The following TTN variants were observed in gnomAD, a reference collection of about 807,000 sequenced individuals.
The protein encoded by TTN is connectin.
TTN carries 1,525 observed loss-of-function variants against 3,223.0 expected under a neutral mutation model. The ratio of observed to expected loss-of-function variants is 0.47; its 90% CI spans 0.45 to 0.49. The LOEUF (loss-of-function observed/expected upper bound fraction) is 0.49, where lower values mean the gene tolerates loss of function less well. Among genes scored for constraint, TTN ranks in the 20% least tolerant of loss-of-function variants. TTN has a pLI of 0.00. For synonymous variants in TTN, 14,094 were observed against 15,161.0 expected (o/e 0.93, Z 5.17); for missense variants, 40,786 against 43,424.0 (o/e 0.94, Z 5.40).
Position 178,634,796 on chromosome 2 carries a change from G to C in TTN, c.42078C>G (p.Val14026=), listed in dbSNP as rs1335317277. The C allele has an allele frequency of 6.2e-7, 1 of 1,612,926 alleles. No homozygotes were observed. Among genetic ancestry groups the C allele is most frequent in the Non-Finnish European group, 8.5e-7 (1 of 1,179,362 alleles). ...GGACTTCACCAGCTTGGTCCAGTTT[G>C]ACTTTGTGCAAAGTTAAGAAGCGTT... ...GGKRFLTLHK[V]KLDQAGEVLY... The change falls in exon 229 of 363, where the codon GTC becomes GTG. Residue 14026 remains valine (V), a synonymous_variant. Coordinates refer to ENST00000589042, the MANE Select transcript of TTN (RefSeq NM_001267550.2). The surrounding 1 kb of genome is among the most constrained non-coding windows in gnomAD (Gnocchi z 4.6).
Position 178,533,512 on chromosome 2 carries a change from A to G in TTN, c.103103T>C (p.Leu34368Ser). 1.9e-6 allele frequency: 3 copies of G among 1,613,582 alleles called. No homozygotes were observed. Among genetic ancestry groups the G allele is most frequent in the Non-Finnish European group, 2.5e-6 (3 of 1,179,558 alleles). The change falls in exon 358 of 363, where the codon TTA becomes TCA. Residue 34368 changes from leucine (L) to serine (S), a missense_variant. Coordinates refer to ENST00000589042, the MANE Select transcript of TTN (RefSeq NM_001267550.2). ...DSTLRPMFKR[L>S]LANAECQEGQ... is the part of the protein sequence containing the mutation. Reference sequence around the variant, plus strand: ...TTCTTGGCATTCTGCATTTGCCAGTAACCTTTTGAACATGGGTCTTAAGGT... The same window carrying G: ...TTCTTGGCATTCTGCATTTGCCAGTGACCTTTTGAACATGGGTCTTAAGGT...
rs778696483 is a variant in TTN, at chr2:178,677,634, TG to T, written c.34277del (p.Pro11426GlnfsTer42). 6.8e-5 allele frequency: 109 copies of T among 1,611,048 alleles called. No individual in the cohort carries two copies. Among genetic ancestry groups the T allele is most frequent in the Non-Finnish European group, 8.7e-5 (103 of 1,178,524 alleles). ...GAGCTGCTATACCTGGTGCAGGTAC[TG>T]GCACCTTAGGTTTAACTTCTGGAAG... ...EVLPEVKPKV[P>X]VPAPVPEVPK... On this transcript the variant is annotated frameshift_variant, in exon 146 of 363. Coordinates refer to ENST00000589042, the MANE Select transcript of TTN (RefSeq NM_001267550.2). LOFTEE classifies it high-confidence loss of function.
intron 162 of TTN, 54 bp downstream of exon 162, chr2:178,667,182 A>G: frequency 2.1e-6 from 3 of 1,402,340 alleles, no homozygotes; most frequent in South Asian, 1.3e-5. Flanking sequence ...AATATTTTGC[A>G]GACTGAAGAC....
intron 207 of TTN, 52 bp from the exon 208 acceptor site, chr2:178,651,372 A>C: frequency 6.2e-7 from 1 of 1,604,896 alleles, no homozygotes; most frequent in Non-Finnish European, 8.5e-7. Flanking sequence ...GTAAACATTC[A>C]TCACATTTAC....
chr2:178,735,081 C>T, intron 50 of TTN, 93 bp from the exon 51 acceptor site: 1 of 1,354,976 alleles, frequency 7.4e-7, no homozygotes, highest in Non-Finnish European at 9.8e-7. Flanking sequence ...AGAGACCCAA[C>T]ACACATAAAA....
chr2:178,609,288 C>T lies in TTN; in HGVS notation c.52022G>A (p.Arg17341Gln), dbSNP rs370390570. 8.1e-5 allele frequency: 129 copies of T among 1,593,882 alleles called. No homozygotes were observed. In the African/African-American group the frequency reaches 1.2e-3, roughly 14 times the overall value. Reference protein sequence around the residue: ...ESQLRVRDSLRPDHGLYMIKV... With the variant: ...ESQLRVRDSLQPDHGLYMIKV... ...GATCATATACAGACCATGGTCAGGT[C>T]GGAGAGAATCTCGGACGCGTAGCTG... Residue 17341 changes from arginine (R) to glutamine (Q), a missense_variant, in exon 273 of 363, where the codon CGA becomes CAA. Coordinates refer to ENST00000589042, the MANE Select transcript of TTN (RefSeq NM_001267550.2).
Position 178,777,811 on chromosome 2 carries a change from A to C in TTN, c.4373T>G (p.Val1458Gly), listed in dbSNP as rs1164246536. 4.3e-6 allele frequency: 7 copies of C among 1,613,894 alleles called. No homozygotes were observed. The highest frequency in any genetic ancestry group is 1.3e-5 in the African/African-American group (1 of 74,882). Residue 1458 changes from valine to glycine, a missense_variant, in exon 25 of 363, where the codon GTC becomes GGC. Coordinates refer to ENST00000589042, the MANE Select transcript of TTN (RefSeq NM_001267550.2). ...GAAAGAAACAGGTTTTAACACAAAG[A>C]CTGGTTTATATAGTCTCTCAAGTTG... ...ESQLERLYKPVFVLKPVSFKC... is the reference protein window; with the variant it reads ...ESQLERLYKPGFVLKPVSFKC...
Position 178,758,099 on chromosome 2 carries a change from G to T in TTN, c.10304-183C>A, listed in dbSNP as rs148671912. 1.8e-3 allele frequency among the ~76,000 whole-genome samples: 276 copies of T among 152,210 alleles called. 7 individuals carry two copies. The South Asian group carries it at 0.025, about 14-fold the overall frequency. ...CACAAGTTCACTTCCATTTCCCAGAGAAGCAAGCTGAGACATGAATGGGCT... is the reference window on the plus strand; with the variant it reads ...CACAAGTTCACTTCCATTTCCCAGATAAGCAAGCTGAGACATGAATGGGCT... On this transcript the variant is annotated intron_variant, in intron 44 of 362. Transcript: ENST00000589042.
intron 137 of TTN, 81 bp downstream of exon 137, chr2:178,681,295 A>T: frequency 6.8e-7 from 1 of 1,462,454 alleles, no homozygotes; most frequent in Non-Finnish European, 9.4e-7. Context: ...AAAAACACAG[A>T]CCATCAGACG....
At chr2:178,698,330 TTAA>T (rs1233136366) in intron 112 of TTN, among the ~76,000 whole-genome samples, 3 of 152,144 alleles carry the variant, frequency 2.0e-5, no homozygotes, top group Non-Finnish European at 4.4e-5. Flanking sequence ...GTGAATATAG[TTAA>T]TAATAGTGTA....
chr2:178,731,488 T>C lies in TTN; in HGVS notation c.17278A>G (p.Thr5760Ala). 6.2e-7 allele frequency: 1 copy of C among 1,613,642 alleles called. No individual in the cohort carries two copies. Among genetic ancestry groups the C allele is most frequent in the Non-Finnish European group, 8.5e-7 (1 of 1,179,736 alleles). The change falls in exon 59 of 363, where the codon ACG (threonine) becomes GCG (alanine). Residue 5760 changes from threonine to alanine, a missense_variant. Thr to Ala is a moderately conservative substitution (Grantham distance 58, BLOSUM62 0). Coordinates refer to ENST00000589042, the MANE Select transcript of TTN (RefSeq NM_001267550.2). Reference protein sequence around the residue: ...QATLKGSLPITVTWLKDSDEI... With the variant: ...QATLKGSLPIAVTWLKDSDEI... ...TCGCTGTCTTTTAGCCAAGTCACCG[T>C]AATTGGCAAGGAGCCCTTCAGAGTG...
intron 115 of TTN, 66 bp from the exon 116 acceptor site, chr2:178,694,972 C>A (rs2073351925): frequency 5.0e-6 from 5 of 1,006,242 alleles, no homozygotes; most frequent in East Asian, 5.5e-5. Context: ...CTCTCTCTAT[C>A]TCTCTCTCTC....
chr2:178,672,576 A>G, intron 153 of TTN, 59 bp downstream of exon 153: 2 of 1,606,024 alleles, frequency 1.2e-6, no homozygotes, highest in Non-Finnish European at 1.7e-6. Context: ...GACATGAAAC[A>G]TAAAAGTCTT....
chr2:178,755,096 T>C (rs1016344703), intron 46 of TTN, among the ~76,000 whole-genome samples: 6 of 152,242 alleles, frequency 3.9e-5, no homozygotes, highest in Admixed American at 1.3e-4. Context: ...ACCAGCTTCC[T>C]TCCATGAGAC....
In TTN at chr2:178,575,744, C is replaced by G. The variant is rs745946955; in HGVS notation, c.70388G>C (p.Gly23463Ala). Residue 23463 changes from glycine to alanine, a missense_variant, in exon 326 of 363, where the codon GGA becomes GCA. Physicochemically the swap from Gly to Ala is moderately conservative, Grantham distance 60. Coordinates refer to ENST00000589042, the MANE Select transcript of TTN (RefSeq NM_001267550.2). This position sits in a 1 kb window ranked among gnomAD's most constrained non-coding sequence, Gnocchi z 4.0. Reference sequence around the variant, plus strand: ...AATGTAGTTTGTTATACGTGAGCCTCCATCTATCAGAGGGAGGTCCCAGTG... The same window carrying G: ...AATGTAGTTTGTTATACGTGAGCCTGCATCTATCAGAGGGAGGTCCCAGTG... ...TLHWDLPLID[G>A]GSRITNYIVE... is the part of the protein sequence containing the mutation. 1 of 1,613,472 alleles carries G rather than the reference C, an allele frequency of 6.2e-7. No individual in the cohort carries two copies. Among genetic ancestry groups the G allele is most frequent in the Non-Finnish European group, 8.5e-7 (1 of 1,179,626 alleles).
Position 178,579,640 on chromosome 2 carries a change from A to G in TTN, c.67557T>C (p.Tyr22519=), listed in dbSNP as rs770566672. ...CATTCTCAGCACTCACTCTGAAGGT[A>G]TATTCCTTCCCTTCAGTCAAATCTT... is the stretch of plus-strand genomic sequence containing the variant. ...SAKDLTEGKE[Y]TFRVSAENEN... Residue 22519 remains tyrosine (Y), a synonymous_variant, in exon 319 of 363, where the codon TAT becomes TAC. Coordinates refer to ENST00000589042, the MANE Select transcript of TTN (RefSeq NM_001267550.2). 16 of 1,613,372 alleles carry G rather than the reference A, an allele frequency of 9.9e-6. No homozygotes were observed. The highest frequency in any genetic ancestry group is 1.2e-5 in the Non-Finnish European group (14 of 1,179,530).
chr2:178,575,098 C>T lies in TTN; in HGVS notation c.71034G>A (p.Gln23678=), dbSNP rs1709574170. 1.2e-6 allele frequency: 2 copies of T among 1,613,268 alleles called. No homozygotes were observed. The highest frequency in any genetic ancestry group is 1.7e-6 in the Non-Finnish European group (2 of 1,179,546). The change falls in exon 326 of 363, where the codon CAG becomes CAA. Residue 23678 remains glutamine, a synonymous_variant. Coordinates refer to ENST00000589042, the MANE Select transcript of TTN (RefSeq NM_001267550.2). The surrounding 1 kb of genome is among the most constrained non-coding windows in gnomAD (Gnocchi z 4.0). ...TCGCTGTGGTTTCAAAATTAACTCT[C>T]TGTGTCTGTTTAAGAATTTGGTCTC... is the stretch of plus-strand genomic sequence containing the variant. ...KKGDQILKQT[Q]RVNFETTATS...
At position 178,715,769 on chromosome 2, in the gene TTN, G is replaced by A. The variant is rs536374359; in HGVS notation, c.25645C>T (p.Pro8549Ser). The A allele has an allele frequency of 2.3e-5, 37 of 1,576,336 alleles. No homozygotes were observed. In the East Asian group the frequency reaches 8.3e-4, roughly 35 times the overall value. Residue 8549 changes from proline (P) to serine (S), a missense_variant, in exon 89 of 363, where the codon CCC (proline) becomes TCC (serine). By Grantham distance (74) the Pro-to-Ser change is moderately conservative. Transcript: ENST00000589042. ...CSAQLGVQEP[P>S]RFIKKLEPSR... ...GGTTCTAGCTTCTTAATGAACCTGG[G>A]TGGTTCTATGGAACCAAGAGGAAAA...
At chr2:178,713,778 A>G in intron 92 of TTN, 119 bp downstream of exon 92, 1 of 1,307,748 alleles carries the variant, frequency 7.6e-7, no homozygotes. Context: ...GAATTTGCTG[A>G]TTCAGAAGAT....
Sources: allele counts gnomAD v4.1 joint callset (sites outside exome capture counted in the v4.1 genomes callset), GRCh38; gene constraint gnomAD v4.1.1; non-coding constraint Gnocchi (gnomAD v3.1); transcripts MANE v1.5; gene names NCBI Gene and HGNC (gene_info 2026-07-23, HGNC 2026-07-21).